TCF12: variants seen among roughly 807,000 people sequenced by gnomAD.
TCF12 encodes the protein transcription factor 12, also known as DNA-binding protein HTF4.
TCF12 carries 45 observed loss-of-function variants against 86.0 expected under a neutral mutation model. The observed-to-expected ratio is 0.52, with a 90% CI of 0.41 to 0.67. The LOEUF (loss-of-function observed/expected upper bound fraction) is 0.67, where lower values mean the gene tolerates loss of function less well. TCF12 is among the 30% of genes least tolerant of loss of function. The pLI is 0.00. For synonymous variants in TCF12, 330 were observed against 299.6 expected (o/e 1.10, Z -1.05); for missense variants, 881 against 859.9 (o/e 1.02, Z -0.31).
chr15:57,108,757 T>C (rs1367403350), intron 5 of TCF12, among the ~76,000 whole-genome samples: 1 of 152,162 alleles, frequency 6.6e-6, no homozygotes, highest in Non-Finnish European at 1.5e-5. Context: ...CCTTGAGTTT[T>C]TAAAGATTCT....
chr15:56,960,107 G>T (rs556215415), intron 3 of TCF12, among the ~76,000 whole-genome samples: 1 of 152,078 alleles, frequency 6.6e-6, no homozygotes, highest in South Asian at 2.1e-4. Flanking sequence ...AAATGCATTC[G>T]TCAAATAAGT....
intron 3 of TCF12, among the ~76,000 whole-genome samples, chr15:57,040,833 A>G (rs2066850425): frequency 6.6e-6 from 1 of 152,194 alleles, no homozygotes; most frequent in African/African-American, 2.4e-5. Context: ...TGTGAAGGCA[A>G]CTGACTTTAT....
intron 3 of TCF12, among the ~76,000 whole-genome samples, chr15:56,928,600 T>C (rs16953313): frequency 0.033 from 5,095 of 152,250 alleles, 325 homozygotes; most frequent in East Asian, 0.29. Context: ...TGAAAAGTCA[T>C]GAAGTACCCA....
At chr15:57,186,882 T>C (rs2056695925) in intron 6 of TCF12, among the ~76,000 whole-genome samples, 1 of 152,104 alleles carries the variant, frequency 6.6e-6, no homozygotes, top group South Asian at 2.1e-4. Context: ...TCTCAATTGA[T>C]GCCAAAAAAG....
At position 57,192,145 on chromosome 15, in the gene TCF12, C is replaced by A; in HGVS notation, c.391-13C>A. On this transcript the variant is annotated splice_polypyrimidine_tract_variant and intron_variant, in intron 6 of 20. Coordinates refer to ENST00000333725, the MANE Select transcript of TCF12 (RefSeq NM_207037.2). ...GCAGGAAAATAACTTGTTTCCTTGG[C>A]CTTATTTTATAGTCTAGTCTCCTGA... 1.2e-6 allele frequency: 2 copies of A among 1,612,170 alleles called. No homozygotes were observed. Among genetic ancestry groups the A allele is most frequent in the East Asian group, 2.2e-5 (1 of 44,862 alleles).
At chr15:57,138,187 AC>A (rs1263065121) in intron 5 of TCF12, among the ~76,000 whole-genome samples, 1 of 152,174 alleles carries the variant, frequency 6.6e-6, no homozygotes, top group East Asian at 1.9e-4. Flanking sequence ...TGTTAATATC[AC>A]TGATGGCTAA....
At chr15:57,022,054 T>TTATGTATGTATGTATG (rs529943161) in intron 3 of TCF12, among the ~76,000 whole-genome samples, 98 of 152,110 alleles carry the variant, frequency 6.4e-4, no homozygotes, top group African/African-American at 2.3e-3. Flanking sequence ...TTTCTTTTTT[T>TTATGTATGTATGTATG]TATGTATGTA....
chr15:57,016,845 G>A (rs992604937), intron 3 of TCF12, among the ~76,000 whole-genome samples: 9 of 151,992 alleles, frequency 5.9e-5, no homozygotes, highest in Admixed American at 3.3e-4. Context: ...CTGTGTATAT[G>A]GAGAGAGAAT....
chr15:57,197,094 G>GCC (rs1421210512), intron 7 of TCF12, among the ~76,000 whole-genome samples: 6 of 148,188 alleles, frequency 4.0e-5, no homozygotes, highest in African/African-American at 1.5e-4. Context: ...TACACTAAGT[G>GCC]CCCCTCTGCA....
intron 4 of TCF12, among the ~76,000 whole-genome samples, chr15:57,068,073 A>G (rs576933188): frequency 2.0e-5 from 3 of 152,312 alleles, no homozygotes; most frequent in South Asian, 4.1e-4. Context: ...GCTGTGCTTA[A>G]GAGGGCAGAC....
At chr15:57,165,740 G>A (rs2054843867) in intron 5 of TCF12, among the ~76,000 whole-genome samples, 1 of 151,880 alleles carries the variant, frequency 6.6e-6, no homozygotes. Flanking sequence ...GTTTCACCTT[G>A]TTAGCCAGGA....
chr15:56,944,188 T>C (rs1016344282), intron 3 of TCF12, among the ~76,000 whole-genome samples: 2 of 152,214 alleles, frequency 1.3e-5, no homozygotes, highest in African/African-American at 2.4e-5. Context: ...TGGATTTTAT[T>C]ATTTCCATAG....
intron 3 of TCF12, among the ~76,000 whole-genome samples, chr15:57,044,193 A>T (rs1230956482): frequency 4.6e-5 from 7 of 152,328 alleles, no homozygotes; most frequent in African/African-American, 7.2e-5. Context: ...CAGAACACAT[A>T]GTAAATTTAT....
At chr15:57,018,177 C>T (rs529904409) in intron 3 of TCF12, among the ~76,000 whole-genome samples, 1 of 152,268 alleles carries the variant, frequency 6.6e-6, no homozygotes, top group African/African-American at 2.4e-5. Flanking sequence ...ATTCAAGTTG[C>T]TCTGAATATA....
rs1555409014 is a variant in TCF12, at chr15:57,251,363, G to A, written c.1128G>A (p.Trp376Ter). Residue 376 changes from tryptophan to a stop codon, truncating the protein, a stop_gained, in exon 14 of 21, where the codon TGG (tryptophan) becomes TGA (stop). Transcript: ENST00000333725. LOFTEE classifies it high-confidence loss of function. ...GGGTTTTAACAGGTACCAGTCAGTGGCCAAGACCTGGAGGGCAAGCACCTT... is the reference window on the plus strand; with the variant it reads ...GGGTTTTAACAGGTACCAGTCAGTGACCAAGACCTGGAGGGCAAGCACCTT... ...SPSPLTGTSQ[W>*]PRPGGQAPSS... The A allele has an allele frequency of 6.2e-7, 1 of 1,613,864 alleles. No individual in the cohort carries two copies.
intron 5 of TCF12, among the ~76,000 whole-genome samples, chr15:57,097,843 G>A (rs2049434660): frequency 1.3e-5 from 2 of 151,930 alleles, no homozygotes; most frequent in Admixed American, 1.3e-4. Context: ...CAAGAAAAAT[G>A]AAATTACTTG....
chr15:56,989,026 A>G (rs2063322625), intron 3 of TCF12, among the ~76,000 whole-genome samples: 1 of 152,198 alleles, frequency 6.6e-6, no homozygotes, highest in African/African-American at 2.4e-5. Flanking sequence ...TTTGCAAAGT[A>G]TATAAAAAAT....
At chr15:57,139,460 G>A (rs1298819161) in intron 5 of TCF12, among the ~76,000 whole-genome samples, 1 of 152,080 alleles carries the variant, frequency 6.6e-6, no homozygotes, top group African/African-American at 2.4e-5. Context: ...TATGATAATT[G>A]GGAGCAGAAG....
chr15:56,939,729 C>G lies in TCF12; in HGVS notation c.148+18631C>G, dbSNP rs113584876. ...CCAAATTGCATTTTCTTTCCTAGCA[C>G]AAGCTGCATGGTGAGGCTTTAAGGA... On this transcript the variant is annotated intron_variant, in intron 3 of 20. Transcript: ENST00000333725. Among the ~76,000 whole-genome samples the G allele has an allele frequency of 3.2e-3, 481 of 152,224 alleles. 1 individual carries two copies. Among genetic ancestry groups the G allele is most frequent in the African/African-American group, 0.011 (462 of 41,564 alleles).
Sources: allele counts gnomAD v4.1 joint callset (sites outside exome capture counted in the v4.1 genomes callset), GRCh38; gene constraint gnomAD v4.1.1; transcripts MANE v1.5; gene names NCBI Gene and HGNC (gene_info 2026-07-23, HGNC 2026-07-21).